OLFML2A: variants seen among roughly 807,000 people sequenced by gnomAD.
OLFML2A encodes the protein olfactomedin like 2A, also known as olfactomedin-like protein 2A.
Under a neutral mutation model 60.9 loss-of-function variants are expected in OLFML2A, and 47 were observed. The ratio of observed to expected loss-of-function variants is 0.77; its 90% CI spans 0.61 to 0.98. OLFML2A has a LOEUF of 0.98. Ranked by LOEUF, OLFML2A falls within the 50% of genes least tolerant of loss-of-function variation. The probability of loss-of-function intolerance (pLI) is 0.00; values close to 1 mark genes in which losing one functional copy is unlikely to be tolerated. For synonymous variants in OLFML2A, 372 were observed against 375.0 expected (o/e 0.99, Z 0.09); for missense variants, 922 against 879.8 (o/e 1.05, Z -0.61).
At chr9:124,795,232 C>T in intron 3 of OLFML2A, 101 bp downstream of exon 3, 1 of 626,698 alleles carries the variant, frequency 1.6e-6, no homozygotes, top group Admixed American at 2.6e-5. Context: ...CCCTGGTGAC[C>T]ATGGGAAGCC....
rs113678095 is a variant in OLFML2A, at chr9:124,814,695, C to T, written c.*4283C>T. On this transcript the variant is annotated 3_prime_UTR_variant, in exon 8 of 8. Coordinates refer to ENST00000373580, the MANE Select transcript of OLFML2A (RefSeq NM_182487.4). ...GGAAGCTCAAAGTCAAATTCGAGAC[C>T]CTTTTTTTTCCAATTGTGCTGAGTC... is the stretch of plus-strand genomic sequence containing the variant. 6 of 152,276 alleles carry T rather than the reference C, an allele frequency of 3.9e-5. No individual in the cohort carries two copies. The highest frequency in any genetic ancestry group is 1.2e-4 in the African/African-American group (5 of 41,550). The allele number at this position is 152,276 out of a possible 1,614,324, so 9.4% of individuals were successfully genotyped here.
At chr9:124,789,205 C>T (rs1356215124) in intron 2 of OLFML2A, among the ~76,000 whole-genome samples, 1 of 152,218 alleles carries the variant, frequency 6.6e-6, no homozygotes, top group Non-Finnish European at 1.5e-5. Flanking sequence ...GCTGGGATTA[C>T]AGGCGTGAGT....
chr9:124,813,808 CA>C lies in OLFML2A; in HGVS notation c.*3398del, dbSNP rs148202580. ...CTTGTAGGGAACTGGAACCAGCCCA[CA>C]ACTGCACACTTGTGAGCTGTCATGG... On this transcript the variant is annotated 3_prime_UTR_variant, in exon 8 of 8. Coordinates refer to ENST00000373580, the MANE Select transcript of OLFML2A (RefSeq NM_182487.4). 0.075 allele frequency: 11,445 copies of C among 152,320 alleles called. 574 individuals carry two copies. Among genetic ancestry groups the C allele is most frequent in the Middle Eastern group, 0.12 (35 of 296 alleles). 9.4% of individuals were successfully genotyped at this position (152,320 alleles called of 1,614,324 possible). A position where few individuals can be genotyped will look rare whatever the true frequency, so the allele number is the denominator to read the frequency against.
chr9:124,807,105 G>A (rs77621764), intron 6 of OLFML2A, among the ~76,000 whole-genome samples: 1 of 127,020 alleles, frequency 7.9e-6, no homozygotes, highest in Admixed American at 7.7e-5. Flanking sequence ...TTTTTTTTTT[G>A]TAGAGAGAAG....
intron 7 of OLFML2A, among the ~76,000 whole-genome samples, chr9:124,808,487 G>A (rs1841945869): frequency 6.6e-6 from 1 of 152,158 alleles, no homozygotes; most frequent in African/African-American, 2.4e-5. Context: ...TGCCAGGAAG[G>A]GGTCATTTAG....
At position 124,792,416 on chromosome 9, in the gene OLFML2A, C is replaced by T. The variant is rs570921515; in HGVS notation, c.355-2608C>T. ...TCCCCTGATCTGGATGCCTATGTGT[C>T]ACTACCTTTGTCCCCAGATCTGGGC... On this transcript the variant is annotated intron_variant, in intron 2 of 7. Transcript: ENST00000373580. Among the ~76,000 whole-genome samples, 6 of 152,310 alleles carry T rather than the reference C, an allele frequency of 3.9e-5. 1 individual carries two copies. The East Asian group carries it at 7.7e-4, about 20-fold the overall frequency.
rs373278976 is a variant in OLFML2A at position 124,786,967 on chromosome 9, C to T, written c.91-8C>T. ...ACTCACTGGAGCCCCTCTTGCCCCC[C>T]GCAACAGGTGTTTGGGGACCTGGAC... On this transcript the variant is annotated splice_region_variant and splice_polypyrimidine_tract_variant and intron_variant, in intron 1 of 7. Transcript: ENST00000373580. 7.4e-5 allele frequency: 119 copies of T among 1,604,466 alleles called. No homozygotes were observed. The highest frequency in any genetic ancestry group is 9.8e-5 in the Non-Finnish European group (115 of 1,173,044).
At chr9:124,795,255 G>T in intron 3 of OLFML2A, 124 bp downstream of exon 3, 1 of 585,300 alleles carries the variant, frequency 1.7e-6, no homozygotes, top group Non-Finnish European at 3.2e-6. Context: ...ACTCCAGCCA[G>T]GAGCTGGGGG....
At chr9:124,808,216 A>AT (rs997407780) in intron 7 of OLFML2A, among the ~76,000 whole-genome samples, 14 of 152,228 alleles carry the variant, frequency 9.2e-5, no homozygotes, top group African/African-American at 3.1e-4. Flanking sequence ...CAAGAGAGAC[A>AT]TGGTCCTGCC....
chr9:124,790,652 G>A (rs1222260570), intron 2 of OLFML2A, among the ~76,000 whole-genome samples: 2 of 152,128 alleles, frequency 1.3e-5, no homozygotes, highest in African/African-American at 4.8e-5. Flanking sequence ...GCTGGAGGAG[G>A]AGGAGAGGAT....
At chr9:124,797,540 A>C (rs1051421880) in intron 3 of OLFML2A, among the ~76,000 whole-genome samples, 3 of 152,238 alleles carry the variant, frequency 2.0e-5, no homozygotes, top group Non-Finnish European at 2.9e-5. Flanking sequence ...CTGGACGTCA[A>C]TCACTTTTAG....
At position 124,809,806 on chromosome 9, in the gene OLFML2A, A is replaced by G. The variant is rs1841966666; in HGVS notation, c.1355-2A>G. On this transcript the variant is annotated splice_acceptor_variant, in intron 7 of 7. Transcript: ENST00000373580. LOFTEE classifies it high-confidence loss of function. The stretch of plus-strand genomic sequence containing the variant: ...TGGGGTGACCATCGCCCTCGCCTGC[A>G]GGCCGCTGGAGTAACATGTACAAGC... The G allele has an allele frequency of 1.3e-6, 2 of 1,592,704 alleles. No homozygotes were observed. Among genetic ancestry groups the G allele is most frequent in the East Asian group, 2.2e-5 (1 of 44,550 alleles).
Position 124,795,056 on chromosome 9 carries a change from C to A in OLFML2A, c.387C>A (p.Thr129=). ...LQSMVDLLEG[T]LYSMDLMKVH... ...CCATGGTGGATCTCCTGGAGGGCAC[C>A]CTGTACAGCATGGACTTGATGAAGG... The change falls in exon 3 of 8, where the codon ACC becomes ACA. Residue 129 remains threonine (T), a synonymous_variant. Transcript: ENST00000373580. The A allele has an allele frequency of 1.2e-6, 2 of 1,608,046 alleles. No homozygotes were observed. The highest frequency in any genetic ancestry group is 1.7e-6 in the Non-Finnish European group (2 of 1,176,974).
chr9:124,806,631 A>C (rs958052102), intron 6 of OLFML2A, among the ~76,000 whole-genome samples: 2 of 150,658 alleles, frequency 1.3e-5, no homozygotes, highest in Non-Finnish European at 3.0e-5. Context: ...TTTTATTTTT[A>C]TTTTTTTTGA....
chr9:124,806,188 TAAA>T (rs1426706838), intron 6 of OLFML2A, among the ~76,000 whole-genome samples: 1 of 151,732 alleles, frequency 6.6e-6, no homozygotes, highest in South Asian at 2.1e-4. Flanking sequence ...AAAAGTAAAA[TAAA>T]AAAGAAAAAC....
chr9:124,787,666 C>A lies in OLFML2A; in HGVS notation c.354+428C>A, dbSNP rs529459087. The stretch of plus-strand genomic sequence containing the variant: ...CCTCCGTCCCCGGGTTCAAGCGATT[C>A]TCCTGCCTCAACCTCCTGAGTGGCT... On this transcript the variant is annotated intron_variant, in intron 2 of 7. Transcript: ENST00000373580. Among the ~76,000 whole-genome samples the A allele has an allele frequency of 1.2e-3, 181 of 152,022 alleles. 2 individuals carry two copies. Among genetic ancestry groups the A allele is most frequent in the African/African-American group, 3.9e-3 (163 of 41,464 alleles).
chr9:124,807,040 A>G (rs1373899121), intron 6 of OLFML2A, among the ~76,000 whole-genome samples: 1 of 152,006 alleles, frequency 6.6e-6, no homozygotes, highest in African/African-American at 2.4e-5. Context: ...CAGCCTCCCC[A>G]GTAGCTGGGA....
rs58411946 is a variant in OLFML2A, at chr9:124,801,174, C to A, written c.670-240C>A. 2,722 of 1,092,700 alleles carry A rather than the reference C, an allele frequency of 2.5e-3. 12 individuals are homozygous for A. In the Middle Eastern group the frequency reaches 0.027, roughly 11 times the overall value. The allele number at this position is 1,092,700 out of a possible 1,614,324, so 67.7% of individuals were successfully genotyped here. A position where few individuals can be genotyped will look rare whatever the true frequency, so the allele number is the denominator to read the frequency against. ...TTGAGAAGTGGGACAGGAATCTAAC[C>A]TATCAGGTTGGACTTCAAGCCTGCA... On this transcript the variant is annotated intron_variant, in intron 4 of 7. Transcript: ENST00000373580.
intron 7 of OLFML2A, among the ~76,000 whole-genome samples, chr9:124,809,426 C>T (rs1841958819): frequency 6.6e-6 from 1 of 151,906 alleles, no homozygotes; most frequent in Non-Finnish European, 1.5e-5. Context: ...TGACATTGGC[C>T]TGGGGCTCTG....
Sources: gnomAD v4.1 joint callset for allele counts (sites outside exome capture counted in the v4.1 genomes callset) on GRCh38, gnomAD v4.1.1 for gene constraint, MANE v1.5 for transcripts, NCBI Gene and HGNC (gene_info 2026-07-23, HGNC 2026-07-21) for gene names.